The following NTN1 variants were observed in gnomAD, a reference collection of about 807,000 sequenced individuals.
NTN1 encodes netrin 1.
In NTN1, 11 loss-of-function variants were observed where a neutral mutation model predicts 54.2. The ratio of observed to expected loss-of-function variants is 0.20; its 90% CI spans 0.13 to 0.34. The LOEUF (loss-of-function observed/expected upper bound fraction) is 0.34. NTN1 is among the 10% of genes least tolerant of loss of function. The pLI, the probability that NTN1 is intolerant of heterozygous loss-of-function variation, is 1.00. For synonymous variants in NTN1, 371 were observed against 382.0 expected (o/e 0.97, Z 0.33); for missense variants, 740 against 893.1 (o/e 0.83, Z 2.18).
intron 2 of NTN1, among the ~76,000 whole-genome samples, chr17:9,151,797 C>G (rs941767652): frequency 6.6e-6 from 1 of 152,136 alleles, no homozygotes; most frequent in South Asian, 2.1e-4. Flanking sequence ...GGAAAATTGT[C>G]TGTCTTACAA....
chr17:9,101,406 CTTG>C (rs750129520), intron 2 of NTN1, among the ~76,000 whole-genome samples: 18 of 152,290 alleles, frequency 1.2e-4, no homozygotes, highest in Non-Finnish European at 1.6e-4. Context: ...CAAAGAGAAA[CTTG>C]TTGTTCTGAA....
chr17:9,113,019 A>ATTT lies in NTN1; in HGVS notation c.1019-49788_1019-49786dup, dbSNP rs398058563. ...ATCAATGATACGTTTTGTATACAGAATTTTTTTTATTTTTATTTTTTTGAG... is the reference window on the plus strand; with the variant it reads ...ATCAATGATACGTTTTGTATACAGAATTTTTTTTTTTATTTTTATTTTTTTGAG... On this transcript the variant is annotated intron_variant, in intron 2 of 6. Coordinates refer to ENST00000173229, the MANE Select transcript of NTN1 (RefSeq NM_004822.3). Among the ~76,000 whole-genome samples the ATTT allele has an allele frequency of 5.0e-4, 71 of 142,008 alleles. 1 individual carries two copies. Among genetic ancestry groups the ATTT allele is most frequent in the African/African-American group, 5.1e-4 (20 of 39,278 alleles). 93.2% of individuals were successfully genotyped at this position (142,008 alleles called of 152,430 possible).
chr17:9,122,060 C>T (rs1199484162), intron 2 of NTN1, among the ~76,000 whole-genome samples: 7 of 144,160 alleles, frequency 4.9e-5, no homozygotes, highest in Non-Finnish European at 1.1e-4. Flanking sequence ...TTTTTTGAGA[C>T]GGAGTCTCGT....
At chr17:9,120,526 A>G (rs2092228924) in intron 2 of NTN1, among the ~76,000 whole-genome samples, 1 of 152,172 alleles carries the variant, frequency 6.6e-6, no homozygotes, top group South Asian at 2.1e-4. Flanking sequence ...TCCCCCACAC[A>G]GGTCATATTC....
chr17:9,186,175 C>T (rs984771845), intron 5 of NTN1, among the ~76,000 whole-genome samples: 2 of 151,994 alleles, frequency 1.3e-5, no homozygotes, highest in Non-Finnish European at 2.9e-5. Flanking sequence ...CTGCCACTTC[C>T]CTTGGTGTCA....
intron 5 of NTN1, among the ~76,000 whole-genome samples, chr17:9,210,422 A>C (rs1033018572): frequency 2.4e-5 from 2 of 83,628 alleles, no homozygotes; most frequent in Non-Finnish European, 4.9e-5. Flanking sequence ...ATGTGCGTGC[A>C]CACACACACA....
At chr17:9,213,169 G>A (rs985173722) in intron 5 of NTN1, among the ~76,000 whole-genome samples, 8 of 152,240 alleles carry the variant, frequency 5.3e-5, no homozygotes, top group Non-Finnish European at 1.2e-4. Context: ...CAGCCAGCCA[G>A]GATGGGCCTG....
chr17:9,032,381 T>C (rs557649123), intron 2 of NTN1, among the ~76,000 whole-genome samples: 1 of 152,302 alleles, frequency 6.6e-6, no homozygotes, highest in South Asian at 2.1e-4. Flanking sequence ...CCTTGGATTT[T>C]GAAACAAAAG....
chr17:9,017,623 G>A (rs535629182), upstream of NTN1, among the ~76,000 whole-genome samples: 7 of 152,254 alleles, frequency 4.6e-5, no homozygotes, highest in South Asian at 2.1e-4. Flanking sequence ...TGCCAGGAAC[G>A]GTGTTTCCGC....
chr17:9,099,418 AT>A (rs1597487211), intron 2 of NTN1, among the ~76,000 whole-genome samples: 4 of 152,302 alleles, frequency 2.6e-5, no homozygotes, highest in Non-Finnish European at 1.5e-5. Context: ...ACAAAAAAAA[AT>A]CTCATTGACT....
chr17:9,183,374 G>T (rs530861862), intron 5 of NTN1: 2 of 488,918 alleles, frequency 4.1e-6, no homozygotes, highest in Middle Eastern at 3.5e-4. Flanking sequence ...CAAGCAGAAT[G>T]CAGGGGGCCC....
intron 4 of NTN1, among the ~76,000 whole-genome samples, chr17:9,181,028 C>T (rs2092417665): frequency 6.6e-6 from 1 of 152,174 alleles, no homozygotes; most frequent in Non-Finnish European, 1.5e-5. Flanking sequence ...TCTCAGGTTG[C>T]TCAGAAATGG....
intron 5 of NTN1, among the ~76,000 whole-genome samples, chr17:9,198,868 A>C (rs1322509048): frequency 6.6e-6 from 1 of 152,140 alleles, no homozygotes; most frequent in Non-Finnish European, 1.5e-5. Flanking sequence ...CAGACAAAGG[A>C]CTAACCGCTT....
intron 5 of NTN1, among the ~76,000 whole-genome samples, chr17:9,204,574 C>T (rs990586017): frequency 6.6e-6 from 1 of 152,314 alleles, no homozygotes; most frequent in East Asian, 1.9e-4. Context: ...GGATTACAGG[C>T]GTGAGCCAAG....
At chr17:9,078,454 C>T (rs532642498) in intron 2 of NTN1, among the ~76,000 whole-genome samples, 2 of 152,252 alleles carry the variant, frequency 1.3e-5, no homozygotes, top group South Asian at 4.1e-4. Context: ...GCATCCTGTC[C>T]CCCGGAATCT....
At chr17:9,180,250 G>A (rs530669460) in intron 4 of NTN1, among the ~76,000 whole-genome samples, 1 of 152,348 alleles carries the variant, frequency 6.6e-6, no homozygotes, top group African/African-American at 2.4e-5. Context: ...TGTTGGCCAG[G>A]CTGGTCTTGA....
intron 3 of NTN1, chr17:9,176,934 G>A (rs2092401641): frequency 6.6e-6 from 1 of 152,252 alleles, no homozygotes; most frequent in Non-Finnish European, 1.5e-5. Context: ...AGGACCAAGG[G>A]ATTCGACACG....
At chr17:9,083,838 G>C (rs538808270) in intron 2 of NTN1, among the ~76,000 whole-genome samples, 2 of 152,176 alleles carry the variant, frequency 1.3e-5, no homozygotes, top group African/African-American at 4.8e-5. Flanking sequence ...ATTTTGGGTC[G>C]AGTTTTCTGT....
At chr17:9,093,971 C>A (rs2092122119) in intron 2 of NTN1, among the ~76,000 whole-genome samples, 1 of 151,784 alleles carries the variant, frequency 6.6e-6, no homozygotes, top group African/African-American at 2.4e-5. Flanking sequence ...GAGACCCTGT[C>A]TCAAAAAAGA....
Sources: allele counts gnomAD v4.1 joint callset (sites outside exome capture counted in the v4.1 genomes callset), GRCh38; gene constraint gnomAD v4.1.1; transcripts MANE v1.5; gene names NCBI Gene and HGNC (gene_info 2026-07-23, HGNC 2026-07-21).